AP2B1: variants seen among roughly 807,000 people sequenced by gnomAD.
AP2B1 encodes AP-2 complex subunit beta.
In AP2B1, 23 loss-of-function variants were observed where a neutral mutation model predicts 102.0. The ratio of observed to expected loss-of-function variants is 0.23; its 90% CI spans 0.16 to 0.32. The LOEUF (loss-of-function observed/expected upper bound fraction) is 0.32, where lower values mean the gene tolerates loss of function less well. AP2B1 is among the 10% of genes least tolerant of loss of function. AP2B1 has a pLI of 1.00. For synonymous variants in AP2B1, 381 were observed against 421.2 expected (o/e 0.90, Z 1.17); for missense variants, 541 against 1,157.4 (o/e 0.47, Z 7.73).
At chr17:35,702,480 G>A (rs1173917216) in intron 18 of AP2B1, among the ~76,000 whole-genome samples, 1 of 152,098 alleles carries the variant, frequency 6.6e-6, no homozygotes, top group East Asian at 1.9e-4. Context: ...TAGCAAGGAG[G>A]AGAGTATTAG....
chr17:35,684,634 T>C (rs981752050), intron 18 of AP2B1, among the ~76,000 whole-genome samples: 3 of 152,200 alleles, frequency 2.0e-5, no homozygotes, highest in Non-Finnish European at 4.4e-5. Context: ...CAAGGATTAC[T>C]ATGCAGATGG....
chr17:35,680,107 C>T (rs1259638386), intron 17 of AP2B1, among the ~76,000 whole-genome samples: 4 of 151,884 alleles, frequency 2.6e-5, no homozygotes, highest in Non-Finnish European at 4.4e-5. Context: ...GGGGTTTCAC[C>T]GTATTGGCCA....
At chr17:35,684,807 A>C (rs1455067808) in intron 18 of AP2B1, among the ~76,000 whole-genome samples, 1 of 152,202 alleles carries the variant, frequency 6.6e-6, no homozygotes, top group Non-Finnish European at 1.5e-5. Context: ...GTCAGCATGC[A>C]CGCAAGAATG....
intron 5 of AP2B1, among the ~76,000 whole-genome samples, chr17:35,618,853 G>T (rs960954357): frequency 6.6e-6 from 1 of 152,092 alleles, no homozygotes; most frequent in Admixed American, 6.5e-5. Flanking sequence ...ATATTTTATA[G>T]CTAGGTAGTA....
intron 5 of AP2B1, among the ~76,000 whole-genome samples, chr17:35,622,740 C>T (rs58056982): frequency 0.016 from 2,510 of 152,288 alleles, 68 homozygotes; most frequent in African/African-American, 0.058. Flanking sequence ...TCTTGGCTCA[C>T]TGCAACCTTC....
At position 35,693,015 on chromosome 17, in the gene AP2B1, G is replaced by A. The variant is rs587750237; in HGVS notation, c.2454+10191G>A. Among the ~76,000 whole-genome samples, 524 of 151,836 alleles carry A rather than the reference G, an allele frequency of 3.5e-3. 4 individuals are homozygous for A. Among genetic ancestry groups the A allele is most frequent in the Admixed American group, 7.0e-3 (106 of 15,234 alleles). ...ATGTTTGTTTTCTTTGGCGCGGGGC[G>A]GTGGGGGGAGGGGCGGTAAATTGGA... is the stretch of plus-strand genomic sequence containing the variant. On this transcript the variant is annotated intron_variant, in intron 18 of 21. Coordinates refer to ENST00000610402, the MANE Select transcript of AP2B1 (RefSeq NM_001030006.2).
At position 35,650,601 on chromosome 17, in the gene AP2B1, A is replaced by T. The variant is rs764532130; in HGVS notation, c.1608A>T (p.Thr536=). The T allele has an allele frequency of 6.2e-7, 1 of 1,614,190 alleles. No individual in the cohort carries two copies. Among genetic ancestry groups the T allele is most frequent in the Admixed American group, 1.7e-5 (1 of 60,018 alleles). ...YWRLLSTDPV[T]AKEVVLSEKP... Reference sequence around the variant, plus strand: ...GCCTTCTCTCAACTGACCCTGTTACAGCTAAAGAAGTAGTCTTGTCTGAGA... The same window carrying T: ...GCCTTCTCTCAACTGACCCTGTTACTGCTAAAGAAGTAGTCTTGTCTGAGA... The change falls in exon 13 of 22, where the codon ACA becomes ACT. Residue 536 remains threonine, a synonymous_variant. Transcript: ENST00000610402.
At chr17:35,667,186 A>T (rs367726902) in intron 14 of AP2B1, among the ~76,000 whole-genome samples, 45 of 152,196 alleles carry the variant, frequency 3.0e-4, no homozygotes, top group African/African-American at 1.1e-3. Flanking sequence ...CACACCCATC[A>T]TCATGCTGTC....
chr17:35,645,222 G>A (rs1275262892), intron 12 of AP2B1, among the ~76,000 whole-genome samples: 5 of 152,064 alleles, frequency 3.3e-5, no homozygotes, highest in Admixed American at 2.6e-4. Flanking sequence ...ATGTGCTGCC[G>A]AAGCGAGCAC....
intron 18 of AP2B1, among the ~76,000 whole-genome samples, chr17:35,708,755 G>A (rs1171291696): frequency 6.6e-6 from 1 of 152,106 alleles, no homozygotes; most frequent in Non-Finnish European, 1.5e-5. Flanking sequence ...TGTTTGAATC[G>A]TAATTCTTCT....
At chr17:35,686,471 GACAGTGGAATTATGATTTA>G (rs587757782) in intron 18 of AP2B1, among the ~76,000 whole-genome samples, 2,667 of 152,250 alleles carry the variant, frequency 0.018, 51 homozygotes, top group African/African-American at 0.049. Flanking sequence ...TCTGCAAGGA[GACAGTGGAATTATGATTTA>G]ACGTGTTCAT....
At chr17:35,622,993 A>G (rs1469876551) in intron 5 of AP2B1, among the ~76,000 whole-genome samples, 2 of 152,144 alleles carry the variant, frequency 1.3e-5, no homozygotes, top group East Asian at 1.9e-4. Flanking sequence ...ATTTATATTC[A>G]GCCTCACTTT....
At chr17:35,590,733 T>A (rs1597950861) in intron 1 of AP2B1, among the ~76,000 whole-genome samples, 1 of 152,224 alleles carries the variant, frequency 6.6e-6, no homozygotes, top group East Asian at 1.9e-4. Flanking sequence ...CATTATTTTC[T>A]AGTTAAGACA....
Position 35,723,630 on chromosome 17 carries a change from A to C in AP2B1, c.2787A>C (p.Ser929=). The change falls in exon 22 of 22, where the codon TCA becomes TCC. Residue 929 remains serine (S), a synonymous_variant. Transcript: ENST00000610402. ...IQPGNPNYTL[S]LKCRAPEVSQ... is the part of the protein sequence containing the mutation. ...TCTCCTTTTTCTCCTAACAGCTGTCACTGAAGTGTAGAGCTCCTGAAGTCT... is the reference window on the plus strand; with the variant it reads ...TCTCCTTTTTCTCCTAACAGCTGTCCCTGAAGTGTAGAGCTCCTGAAGTCT... 1.2e-6 allele frequency: 2 copies of C among 1,610,242 alleles called. No individual in the cohort carries two copies. The highest frequency in any genetic ancestry group is 1.7e-6 in the Non-Finnish European group (2 of 1,176,434).
At chr17:35,680,094 G>T (rs1011282314) in intron 17 of AP2B1, among the ~76,000 whole-genome samples, 30 of 151,952 alleles carry the variant, frequency 2.0e-4, no homozygotes, top group Admixed American at 1.3e-4. Flanking sequence ...TTTTGGTAGA[G>T]ATGGGGTTTC....
rs75785355 is a variant in AP2B1, at chr17:35,695,395, C to T, written c.2454+12571C>T. On this transcript the variant is annotated intron_variant, in intron 18 of 21. Coordinates refer to ENST00000610402, the MANE Select transcript of AP2B1 (RefSeq NM_001030006.2). ...ATGCAGTGTATCTTAGCATGATTTT[C>T]CCTTGATCCTGGGTTCCCTGTGAGG... 2.0e-5 allele frequency among the ~76,000 whole-genome samples: 3 copies of T among 152,048 alleles called. No homozygotes were observed. The East Asian group carries it at 5.8e-4, about 29-fold the overall frequency.
intron 5 of AP2B1, among the ~76,000 whole-genome samples, chr17:35,623,948 A>G (rs1187109004): frequency 6.6e-6 from 1 of 151,910 alleles, no homozygotes; most frequent in East Asian, 1.9e-4. Flanking sequence ...TAAGACTTGT[A>G]GTATGATTAA....
At chr17:35,631,018 A>G (rs1224145176) in intron 9 of AP2B1, among the ~76,000 whole-genome samples, 3 of 152,212 alleles carry the variant, frequency 2.0e-5, no homozygotes, top group Non-Finnish European at 2.9e-5. Flanking sequence ...TCAGCAGCAT[A>G]AGAATTGTAA....
intron 18 of AP2B1, among the ~76,000 whole-genome samples, chr17:35,691,868 C>T (rs2076048875): frequency 1.3e-5 from 2 of 152,162 alleles, no homozygotes; most frequent in Admixed American, 1.3e-4. Context: ...TCTTCATGTC[C>T]CATCAGGACT....
Sources: allele counts gnomAD v4.1 joint callset (sites outside exome capture counted in the v4.1 genomes callset), GRCh38; gene constraint gnomAD v4.1.1; transcripts MANE v1.5; gene names NCBI Gene and HGNC (gene_info 2026-07-23, HGNC 2026-07-21).